Variants in PSG3 observed in about 807,000 individuals in gnomAD.
PSG3 encodes pregnancy specific beta-1-glycoprotein 3, also known as pregnancy-specific beta-1-glycoprotein 3.
PSG3 carries 61 observed loss-of-function variants against 47.5 expected under a neutral mutation model. That is an observed-to-expected ratio of 1.28 (90% CI 1.05 to 1.59). PSG3 has a LOEUF of 1.59. Ranked by LOEUF, PSG3 falls within the 40% of genes most tolerant of loss-of-function variation. PSG3 has a pLI of 0.00. For synonymous variants in PSG3, 263 were observed against 198.4 expected (o/e 1.33, Z -2.74); for missense variants, 756 against 524.0 (o/e 1.44, Z -4.32).
At chr19:42,739,429 C>T (rs552969907) in intron 1 of PSG3, 103 of 267,528 alleles carry the variant, frequency 3.9e-4, no homozygotes, top group Admixed American at 1.3e-3. Context: ...TCTTTCCTGA[C>T]GCCTCCTTCA....
At chr19:42,740,250 T>A in intron 1 of PSG3, 71 bp downstream of exon 1, 1 of 1,612,386 alleles carries the variant, frequency 6.2e-7, no homozygotes, top group Non-Finnish European at 8.5e-7. Flanking sequence ...ACCCCAGGAG[T>A]CTCTCCAGGA....
chr19:42,730,238 A>G (rs4030908), intron 3 of PSG3, among the ~76,000 whole-genome samples, 182 bp from the exon 4 acceptor site: 6 of 152,202 alleles, frequency 3.9e-5, no homozygotes, highest in Admixed American at 3.3e-4. Flanking sequence ...CTGTGAGGCC[A>G]GCTGCTCTGT....
chr19:42,729,355 A>C lies in PSG3; in HGVS notation c.1011T>G (p.Ile337Met). Residue 337 changes from isoleucine (I) to methionine (M), a missense_variant, in exon 5 of 7, where the codon ATT becomes ATG. Ile to Met is a conservative substitution (Grantham distance 10). Coordinates refer to ENST00000327495, the MANE Select transcript of PSG3 (RefSeq NM_021016.4). ...AATGGTAATAGGTGAATGAAGGGTA[A>C]ATTCTGGGGAGGTCTGGACCATCTG... ...NVLYGPDLPR[I>M]YPSFTYYHSG... 6.2e-7 allele frequency: 1 copy of C among 1,613,880 alleles called. No individual in the cohort carries two copies. The highest frequency in any genetic ancestry group is 2.2e-5 in the East Asian group (1 of 44,888).
At chr19:42,725,761 G>A (rs1278216801) in intron 5 of PSG3, among the ~76,000 whole-genome samples, 2 of 151,820 alleles carry the variant, frequency 1.3e-5, no homozygotes, top group African/African-American at 4.8e-5. Context: ...CATCTTGGGA[G>A]GCTGAAGAAG....
rs750053726 is a variant in PSG3, at chr19:42,729,198, C to T, written c.1168G>A (p.Gly390Arg). Reference protein sequence around the residue: ...FIPQITTKHSGLYACSVRNSA... With the variant: ...FIPQITTKHSRLYACSVRNSA... ...TTACGAACAGAGCAAGCATAGAGCC[C>T]GCTATGCTTTGTAGTAATCTGGGGG... The change falls in exon 5 of 7, where the codon GGG becomes AGG. Residue 390 changes from glycine to arginine, a missense_variant. Physicochemically the swap from Gly to Arg is moderately radical, Grantham distance 125. Coordinates refer to ENST00000327495, the MANE Select transcript of PSG3 (RefSeq NM_021016.4). 2.6e-5 allele frequency: 42 copies of T among 1,613,852 alleles called. No homozygotes were observed. Among genetic ancestry groups the T allele is most frequent in the Middle Eastern group, 1.6e-4 (1 of 6,078 alleles).
At chr19:42,722,715 G>A (rs562826836) in intron 6 of PSG3, among the ~76,000 whole-genome samples, 1 of 152,268 alleles carries the variant, frequency 6.6e-6, no homozygotes, top group East Asian at 1.9e-4. Context: ...AGTTCTTGGT[G>A]TAGCCCATTC....
rs200069263 is a variant in PSG3 at position 42,729,301 on chromosome 19, G to A, written c.1065C>T (p.Phe355=). ...ATTCTGCTGGTGGGTTAGAGTCCGC[G>A]AAGCAGGACAAGTAGAGGTTTTCTC... is the stretch of plus-strand genomic sequence containing the variant. ...HSGENLYLSC[F]ADSNPPAEYS... Residue 355 remains phenylalanine (F), a synonymous_variant, in exon 5 of 7, where the codon TTC becomes TTT. Transcript: ENST00000327495. 1.9e-5 allele frequency: 30 copies of A among 1,614,010 alleles called. No homozygotes were observed. Among genetic ancestry groups the A allele is most frequent in the African/African-American group, 8.0e-5 (6 of 74,938 alleles).
At position 42,721,713 on chromosome 19, in the gene PSG3, C is replaced by A. The variant is rs1418464727; in HGVS notation, c.*418G>T. 2.7e-6 allele frequency: 1 copy of A among 364,746 alleles called. No individual in the cohort carries two copies. Among genetic ancestry groups the A allele is most frequent in the Admixed American group, 4.6e-5 (1 of 21,706 alleles). 22.6% of individuals were successfully genotyped at this position (364,746 alleles called of 1,614,324 possible). A position where few individuals can be genotyped will look rare whatever the true frequency, so the allele number is the denominator to read the frequency against. On this transcript the variant is annotated 3_prime_UTR_variant, in exon 7 of 7. Coordinates refer to ENST00000327495, the MANE Select transcript of PSG3 (RefSeq NM_021016.4). ...TGAATAGTTTCCCAATTCTGGGGCA[C>A]TTAGGGAGCAAAAGCAAATGTTTCA...
At position 42,739,158 on chromosome 19, in the gene PSG3, G is replaced by A. The variant is rs1969622830; in HGVS notation, c.65-69C>T. The A allele has an allele frequency of 2.6e-6, 4 of 1,514,948 alleles. No individual in the cohort carries two copies. In the South Asian group the frequency reaches 3.9e-5, roughly 15 times the overall value. The allele number at this position is 1,514,948 out of a possible 1,614,324, so 93.8% of individuals were successfully genotyped here. A position where few individuals can be genotyped will look rare whatever the true frequency, so the allele number is the denominator to read the frequency against. ...TTGGGGTGAAAAGATGTGGCCCTGG[G>A]TCCTGAGAAGGTCTCTTCAATCCTC... is the stretch of plus-strand genomic sequence containing the variant. On this transcript the variant is annotated intron_variant, in intron 1 of 6. Transcript: ENST00000327495.
chr19:42,734,703 A>C (rs1384142848), intron 2 of PSG3, among the ~76,000 whole-genome samples: 1 of 152,114 alleles, frequency 6.6e-6, no homozygotes, highest in Non-Finnish European at 1.5e-5. Context: ...GAAATTAGCA[A>C]CTCCTTAAGT....
intron 2 of PSG3, chr19:42,733,383 C>T (rs1369589204): frequency 5.2e-6 from 2 of 387,972 alleles, no homozygotes; most frequent in East Asian, 4.7e-5. Flanking sequence ...CCTGCCTGGC[C>T]CACCTTGTGG....
intron 2 of PSG3, among the ~76,000 whole-genome samples, chr19:42,736,818 G>A (rs1318063932): frequency 6.6e-6 from 1 of 152,194 alleles, no homozygotes; most frequent in Non-Finnish European, 1.5e-5. Flanking sequence ...TGGGGACATT[G>A]GCTCTAGAGG....
At position 42,740,404 on chromosome 19, in the gene PSG3, T is replaced by G. The variant is rs112338129; in HGVS notation, c.-20A>C. The G allele has an allele frequency of 2.9e-3, 4,610 of 1,613,982 alleles. 128 individuals are homozygous for G. In the African/African-American group the frequency reaches 0.053, roughly 19 times the overall value. On this transcript the variant is annotated 5_prime_UTR_variant, in exon 1 of 7. Transcript: ENST00000327495. ...CCCCATGGTCTCTGCTGCCTGCGTGTTCTCCTCTGTGGAGCTGAGCCTAGG... is the reference window on the plus strand; with the variant it reads ...CCCCATGGTCTCTGCTGCCTGCGTGGTCTCCTCTGTGGAGCTGAGCCTAGG...
intron 5 of PSG3, among the ~76,000 whole-genome samples, chr19:42,727,326 C>G (rs1471565376): frequency 1.3e-5 from 2 of 151,934 alleles, no homozygotes; most frequent in Non-Finnish European, 2.9e-5. Flanking sequence ...AAAAAGCAAC[C>G]CACGAAATGA....
Position 42,738,935 on chromosome 19 carries a change from C to A in PSG3, c.219G>T (p.Lys73Asn), listed in dbSNP as rs150813172. ...AGYIWYKGQM[K>N]DLYHYITSYV... ...ATGATGTAATGTAATGGTAGAGGTCCTTCATTTGCCCTTTGTACCAGATGT... is the reference window on the plus strand; with the variant it reads ...ATGATGTAATGTAATGGTAGAGGTCATTCATTTGCCCTTTGTACCAGATGT... The change falls in exon 2 of 7, where the codon AAG becomes AAT. Residue 73 changes from lysine (K) to asparagine (N), a missense_variant. Physicochemically the swap from Lys to Asn is moderately conservative, Grantham distance 94. Coordinates refer to ENST00000327495, the MANE Select transcript of PSG3 (RefSeq NM_021016.4). 9.3e-6 allele frequency: 15 copies of A among 1,613,970 alleles called. No individual in the cohort carries two copies. In the South Asian group the frequency reaches 1.4e-4, roughly 15 times the overall value.
rs1316441218 is a variant in PSG3 at position 42,721,836 on chromosome 19, A to T, written c.*295T>A. On this transcript the variant is annotated 3_prime_UTR_variant, in exon 7 of 7. Coordinates refer to ENST00000327495, the MANE Select transcript of PSG3 (RefSeq NM_021016.4). Reference sequence around the variant, plus strand: ...TCAAAGAATCAGCACATTTTCAAATAGAAAATTATGAAAACATTGTTTTGA... The same window carrying T: ...TCAAAGAATCAGCACATTTTCAAATTGAAAATTATGAAAACATTGTTTTGA... The T allele has an allele frequency of 2.4e-5, 10 of 412,400 alleles. No homozygotes were observed. The highest frequency in any genetic ancestry group is 1.3e-5 in the Non-Finnish European group (3 of 225,864). The allele number at this position is 412,400 out of a possible 1,614,324, so 25.5% of individuals were successfully genotyped here.
chr19:42,732,479 G>A (rs1969488110), intron 3 of PSG3: 3 of 593,020 alleles, frequency 5.1e-6, no homozygotes, highest in East Asian at 6.4e-5. Flanking sequence ...GAGCCAAGTT[G>A]CAACACTGAA....
At chr19:42,738,631 A>T (rs1198010355) in intron 2 of PSG3, 93 bp downstream of exon 2, 1 of 1,607,108 alleles carries the variant, frequency 6.2e-7, no homozygotes, top group East Asian at 2.2e-5. Flanking sequence ...TAATGCAGAG[A>T]GGGACACAGG....
intron 6 of PSG3, among the ~76,000 whole-genome samples, chr19:42,722,541 A>G (rs999765629): frequency 3.3e-5 from 5 of 152,240 alleles, no homozygotes; most frequent in African/African-American, 1.2e-4. Context: ...GGCGTGAGCC[A>G]TCGCACCCAG....
Sources: gnomAD v4.1 joint callset for allele counts (sites outside exome capture counted in the v4.1 genomes callset) on GRCh38, gnomAD v4.1.1 for gene constraint, MANE v1.5 for transcripts, NCBI Gene and HGNC (gene_info 2026-07-23, HGNC 2026-07-21) for gene names.